S100Z: variants seen among roughly 807,000 people sequenced by gnomAD.
S100Z encodes the protein protein S100-Z.
In S100Z, 11 loss-of-function variants were observed where a neutral mutation model predicts 8.5. The ratio of observed to expected loss-of-function variants is 1.30; its 90% CI spans 0.82 to 2.15. S100Z has a LOEUF of 2.15. Among genes scored for constraint, S100Z ranks in the 30% most tolerant of loss-of-function variants. The pLI, the probability that S100Z is intolerant of heterozygous loss-of-function variation, is 0.00. For synonymous variants in S100Z, 34 were observed against 43.8 expected (o/e 0.78, Z 0.89); for missense variants, 126 against 117.9 (o/e 1.07, Z -0.32).
the S100Z span, among the ~76,000 whole-genome samples, chr5:76,935,342 G>T: frequency 2.0e-5 from 3 of 152,140 alleles, no homozygotes; most frequent in Admixed American, 2.0e-4. Context: ...TGACAATATG[G>T]AATTAATATG....
intron 4 of S100Z, among the ~76,000 whole-genome samples, chr5:76,911,774 A>G (rs529310276): frequency 1.7e-4 from 26 of 152,332 alleles, no homozygotes; most frequent in African/African-American, 6.3e-4. Context: ...TCTAGGCCTG[A>G]TCTTAGCCAG....
At chr5:76,903,842 G>C (rs1744320213) in intron 4 of S100Z, among the ~76,000 whole-genome samples, 2 of 149,890 alleles carry the variant, frequency 1.3e-5, no homozygotes, top group African/African-American at 4.9e-5. Context: ...TCTTTGCCTT[G>C]GCCCCCCAAG....
At chr5:76,904,563 A>T (rs1744358997) in intron 4 of S100Z, among the ~76,000 whole-genome samples, 1 of 152,212 alleles carries the variant, frequency 6.6e-6, no homozygotes, top group African/African-American at 2.4e-5. Flanking sequence ...TTAAACACAC[A>T]TTTCTTTACA....
chr5:76,916,617 A>T (rs1201766638), intron 4 of S100Z, among the ~76,000 whole-genome samples: 1 of 152,162 alleles, frequency 6.6e-6, no homozygotes, highest in Non-Finnish European at 1.5e-5. Context: ...AACAAACTAG[A>T]AACCAATAAC....
chr5:76,884,538 C>T (rs1743529025), intron 4 of S100Z, among the ~76,000 whole-genome samples: 1 of 152,116 alleles, frequency 6.6e-6, no homozygotes, highest in Non-Finnish European at 1.5e-5. Context: ...TATCGGAATT[C>T]CTGTATATAT....
At chr5:76,884,025 G>A (rs1299924028) in intron 4 of S100Z, among the ~76,000 whole-genome samples, 6 of 149,160 alleles carry the variant, frequency 4.0e-5, no homozygotes, top group African/African-American at 1.0e-4. Context: ...ACCTTGAAGC[G>A]AGGTTAATTA....
the S100Z span, among the ~76,000 whole-genome samples, chr5:76,936,420 A>G: frequency 6.6e-6 from 1 of 152,156 alleles, no homozygotes; most frequent in South Asian, 2.1e-4. Context: ...CCATGGTTAT[A>G]TCTACATGGT....
At chr5:76,941,741 T>C in the S100Z span, among the ~76,000 whole-genome samples, 2 of 149,880 alleles carry the variant, frequency 1.3e-5, no homozygotes, top group South Asian at 4.3e-4. Context: ...CATGCTATCC[T>C]CTTTGGAGGG....
intron 1 of S100Z, among the ~76,000 whole-genome samples, chr5:76,854,344 A>T (rs1209514073): frequency 6.6e-6 from 1 of 152,204 alleles, no homozygotes; most frequent in Non-Finnish European, 1.5e-5. Flanking sequence ...GACTTGTTGA[A>T]TGGTAGTGAC....
chr5:76,863,757 C>G (rs187936895), intron 1 of S100Z, among the ~76,000 whole-genome samples: 1 of 152,052 alleles, frequency 6.6e-6, no homozygotes, highest in Non-Finnish European at 1.5e-5. Flanking sequence ...CCAGGATGGT[C>G]TCGATCTCCT....
the S100Z span, among the ~76,000 whole-genome samples, chr5:76,932,267 T>G: frequency 6.6e-6 from 1 of 152,216 alleles, no homozygotes; most frequent in Non-Finnish European, 1.5e-5. Flanking sequence ...TTGGTTAAGT[T>G]GGAAAATAAG....
the S100Z span, among the ~76,000 whole-genome samples, chr5:76,938,523 T>G: frequency 2.0e-5 from 3 of 152,190 alleles, no homozygotes; most frequent in Admixed American, 2.0e-4. Flanking sequence ...TCTGAAGCCT[T>G]CACTTGGGGG....
At chr5:76,867,874 G>A (rs1158085509) in intron 1 of S100Z, among the ~76,000 whole-genome samples, 8 of 152,110 alleles carry the variant, frequency 5.3e-5, no homozygotes, top group Admixed American at 3.9e-4. Context: ...GAGCCACTGC[G>A]GCCGGCCACA....
At chr5:76,905,994 A>G (rs1744410717) in intron 4 of S100Z, among the ~76,000 whole-genome samples, 1 of 152,004 alleles carries the variant, frequency 6.6e-6, no homozygotes, top group Non-Finnish European at 1.5e-5. Context: ...ACACCCAGCT[A>G]ATTTTTTGTC....
intron 4 of S100Z, among the ~76,000 whole-genome samples, chr5:76,913,367 T>A (rs1227831196): frequency 6.6e-6 from 1 of 152,216 alleles, no homozygotes; most frequent in Admixed American, 6.5e-5. Context: ...ATTCAGTAAG[T>A]GATAAAGAAA....
chr5:76,892,307 A>G (rs991174472), intron 4 of S100Z, among the ~76,000 whole-genome samples: 2 of 152,204 alleles, frequency 1.3e-5, no homozygotes, highest in East Asian at 1.9e-4. Flanking sequence ...TACTCTTTCA[A>G]ATTGGTCCCT....
intron 1 of S100Z, among the ~76,000 whole-genome samples, chr5:76,857,153 G>A (rs566441087): frequency 9.9e-5 from 15 of 152,174 alleles, no homozygotes; most frequent in African/African-American, 1.7e-4. Flanking sequence ...TTAGCCAGGC[G>A]TGGTGGCAGG....
intron 1 of S100Z, among the ~76,000 whole-genome samples, chr5:76,852,295 AT>A (rs1034413448): frequency 4.8e-4 from 72 of 150,308 alleles, no homozygotes; most frequent in African/African-American, 1.3e-3. Flanking sequence ...TAGTCAAGAT[AT>A]TTTTTTTTTC....
intron 4 of S100Z, among the ~76,000 whole-genome samples, chr5:76,910,688 G>A (rs1744621089): frequency 6.6e-6 from 1 of 152,198 alleles, no homozygotes; most frequent in South Asian, 2.1e-4. Context: ...ACAGGACTGA[G>A]GGTGCCTGGG....
Sources: allele counts gnomAD v4.1 joint callset (sites outside exome capture counted in the v4.1 genomes callset), GRCh38; gene constraint gnomAD v4.1.1; transcripts MANE v1.5; gene names NCBI Gene and HGNC (gene_info 2026-07-23, HGNC 2026-07-21).